SYNE1: variants seen among roughly 807,000 people sequenced by gnomAD.
SYNE1 encodes spectrin repeat containing nuclear envelope protein 1.
Under a neutral mutation model 1,111.0 loss-of-function variants are expected in SYNE1, and 616 were observed. The ratio of observed to expected loss-of-function variants is 0.55; its 90% CI spans 0.52 to 0.59. SYNE1 has a LOEUF of 0.59. Among genes scored for constraint, SYNE1 ranks in the 20% least tolerant of loss-of-function variants. SYNE1 has a pLI of 0.00. For missense variants in SYNE1, 10,006 were observed against 10,417.0 expected (o/e 0.96, Z 1.72); for synonymous variants, 3,855 against 3,825.8 (o/e 1.01, Z -0.28).
intron 11 of SYNE1, among the ~76,000 whole-genome samples, chr6:152,494,221 C>A (rs1332430708): frequency 1.3e-5 from 2 of 152,160 alleles, no homozygotes; most frequent in Non-Finnish European, 2.9e-5. Flanking sequence ...ATCCATTTTC[C>A]TCCTCACACT....
At chr6:152,417,829 C>A (rs2098186628) in intron 40 of SYNE1, among the ~76,000 whole-genome samples, 1 of 151,960 alleles carries the variant, frequency 6.6e-6, no homozygotes, top group Non-Finnish European at 1.5e-5. Context: ...ACATATAAAT[C>A]TTTAAAAATC....
chr6:152,351,961 T>C (rs917692476), intron 70 of SYNE1, 66 bp downstream of exon 70: 1 of 1,498,220 alleles, frequency 6.7e-7, no homozygotes, highest in African/African-American at 1.4e-5. Flanking sequence ...CCAGCAAGAA[T>C]CACCTCCCTC....
intron 3 of SYNE1, among the ~76,000 whole-genome samples, chr6:152,597,767 A>C (rs1471989679): frequency 2.6e-5 from 4 of 152,154 alleles, no homozygotes; most frequent in African/African-American, 9.7e-5. Flanking sequence ...CCTAAAATAC[A>C]TGCTTAAATA....
At chr6:152,391,959 C>A (rs1284557349) in intron 51 of SYNE1, among the ~76,000 whole-genome samples, 2 of 152,206 alleles carry the variant, frequency 1.3e-5, no homozygotes, top group African/African-American at 4.8e-5. Context: ...ATTCTCAAAA[C>A]CCCTGCTGTC....
chr6:152,215,416 T>C (rs1037243303), intron 121 of SYNE1, among the ~76,000 whole-genome samples: 36 of 152,274 alleles, frequency 2.4e-4, no homozygotes, highest in African/African-American at 8.7e-4. Context: ...TTGATTTTTA[T>C]TACGTGTATT....
intron 127 of SYNE1, among the ~76,000 whole-genome samples, chr6:152,197,315 G>C (rs932920646): frequency 5.3e-5 from 8 of 152,224 alleles, no homozygotes; most frequent in South Asian, 2.1e-4. Flanking sequence ...AGGGAGAACA[G>C]TCAGTGGAGA....
At position 152,510,627 on chromosome 6, in the gene SYNE1, G is replaced by C. The variant is rs868073150; in HGVS notation, c.403-256C>G. 6.6e-5 allele frequency among the ~76,000 whole-genome samples: 10 copies of C among 152,204 alleles called. 2 individuals carry two copies. In the Middle Eastern group the frequency reaches 0.031, roughly 466 times the overall value. On this transcript the variant is annotated intron_variant, in intron 7 of 145. Coordinates refer to ENST00000367255, the MANE Select transcript of SYNE1 (RefSeq NM_182961.4). ...TTAATCAACTAAAACCTAATGGTTA[G>C]AACAATTATTCTGAATAGAATGGCA...
chr6:152,611,477 G>C, intron 3 of SYNE1, among the ~76,000 whole-genome samples: 1 of 152,066 alleles, frequency 6.6e-6, no homozygotes, highest in Non-Finnish European at 1.5e-5. Context: ...CCCAATACAG[G>C]AGCACCCAGA....
At chr6:152,158,632 A>C (rs1254552312) in intron 131 of SYNE1, among the ~76,000 whole-genome samples, 1 of 152,328 alleles carries the variant, frequency 6.6e-6, no homozygotes, top group East Asian at 1.9e-4. Context: ...TGCTGTTCTA[A>C]AAAATATAAA....
chr6:152,317,885 G>T (rs1348875880), intron 86 of SYNE1, among the ~76,000 whole-genome samples, 196 bp downstream of exon 86: 3 of 152,168 alleles, frequency 2.0e-5, no homozygotes, highest in Admixed American at 6.5e-5. Context: ...TTTATCATAT[G>T]GCTGGATATA....
chr6:152,394,096 A>G (rs906132348), intron 51 of SYNE1, among the ~76,000 whole-genome samples: 5 of 152,020 alleles, frequency 3.3e-5, no homozygotes, highest in African/African-American at 1.2e-4. Flanking sequence ...CTGTTCCTGT[A>G]TTAGTTTGCT....
intron 3 of SYNE1, among the ~76,000 whole-genome samples, chr6:152,552,507 A>G (rs1392358861): frequency 6.6e-6 from 1 of 151,222 alleles, no homozygotes. Context: ...CGGATACAAT[A>G]ATTTGACACA....
chr6:152,253,717 T>C (rs1588795613), intron 104 of SYNE1, among the ~76,000 whole-genome samples: 1 of 152,022 alleles, frequency 6.6e-6, no homozygotes, highest in South Asian at 2.1e-4. Context: ...GGTTTTACTC[T>C]GTGGTTTTAA....
At chr6:152,422,676 GA>G (rs1404108199) in intron 39 of SYNE1, among the ~76,000 whole-genome samples, 1 of 151,674 alleles carries the variant, frequency 6.6e-6, no homozygotes, top group Non-Finnish European at 1.5e-5. Context: ...ATACTTTTTT[GA>G]AAAAAATTTA....
intron 119 of SYNE1, among the ~76,000 whole-genome samples, chr6:152,219,448 T>C (rs796837413): frequency 1.4e-4 from 21 of 149,606 alleles, no homozygotes; most frequent in African/African-American, 4.9e-4. Context: ...CTATGTAGGT[T>C]CATTACAGGA....
rs199797561 is a variant in SYNE1, at chr6:152,428,238, G to A, written c.4943C>T (p.Thr1648Met). The A allele has an allele frequency of 2.5e-5, 40 of 1,613,822 alleles. No individual in the cohort carries two copies. The highest frequency in any genetic ancestry group is 6.6e-5 in the South Asian group (6 of 91,080). ...DILRRAKERQ[T>M]ALENLLAHWQ... ...GTGGGCCAGCAGATTCTCCAGCGCC[G>A]TCTGTCTCTCCTTCGCCCTCCTTAG... is the stretch of plus-strand genomic sequence containing the variant. Residue 1648 changes from threonine (T) to methionine (M), a missense_variant, in exon 37 of 146, where the codon ACG becomes ATG. Coordinates refer to ENST00000367255, the MANE Select transcript of SYNE1 (RefSeq NM_182961.4).
chr6:152,623,331 C>T (rs771705241), intron 3 of SYNE1, among the ~76,000 whole-genome samples: 1 of 151,970 alleles, frequency 6.6e-6, no homozygotes, highest in Admixed American at 6.6e-5. Flanking sequence ...CTTCCTTACC[C>T]CATATACAAA....
chr6:152,385,185 T>C (rs1468102169), intron 55 of SYNE1, among the ~76,000 whole-genome samples: 2 of 152,166 alleles, frequency 1.3e-5, no homozygotes, highest in South Asian at 2.1e-4. Context: ...GAAAGGTAAA[T>C]TTCTGTTTTA....
intron 12 of SYNE1, among the ~76,000 whole-genome samples, chr6:152,487,409 A>G (rs2098946672): frequency 6.6e-6 from 1 of 152,216 alleles, no homozygotes; most frequent in Non-Finnish European, 1.5e-5. Flanking sequence ...CTAGTATTCC[A>G]TGGTGTATAT....
Sources: allele counts gnomAD v4.1 joint callset (sites outside exome capture counted in the v4.1 genomes callset), GRCh38; gene constraint gnomAD v4.1.1; transcripts MANE v1.5; gene names NCBI Gene and HGNC (gene_info 2026-07-23, HGNC 2026-07-21).